The following SLC6A2 variants were observed in gnomAD, a reference collection of about 807,000 sequenced individuals.
SLC6A2 encodes the protein solute carrier family 6 member 2.
Under a neutral mutation model 71.7 loss-of-function variants are expected in SLC6A2, and 26 were observed. The observed-to-expected ratio is 0.36, with a 90% confidence interval of 0.27 to 0.50. The LOEUF is 0.50. SLC6A2 is among the 20% of genes least tolerant of loss of function. The probability of loss-of-function intolerance (pLI) is 0.96; values close to 1 mark genes in which losing one functional copy is unlikely to be tolerated. For missense variants in SLC6A2, 581 were observed against 803.9 expected, an observed-to-expected ratio of 0.72 and a Z score of 3.35; for synonymous variants, 363 against 337.9, an observed-to-expected ratio of 1.07 and a Z score of -0.82.
chr16:55,691,170 G>T (rs1220461731), intron 5 of SLC6A2, among the ~76,000 whole-genome samples: 1 of 145,818 alleles, frequency 6.9e-6, no homozygotes, highest in African/African-American at 2.6e-5. Flanking sequence ...AGGGAGGGGA[G>T]AGCAAGAAGA....
intron 4 of SLC6A2, 39 bp from the exon 5 acceptor site, chr16:55,685,104 C>T (rs201969585): frequency 1.9e-5 from 30 of 1,611,600 alleles, no homozygotes; most frequent in East Asian, 6.7e-5. Flanking sequence ...TCCTCCCTGA[C>T]GACATTTACC....
Position 55,703,276 on chromosome 16 carries a change from C to T in SLC6A2, c.*930C>T. 1 of 985,438 alleles carries T rather than the reference C, an allele frequency of 1.0e-6. No homozygotes were observed. The allele number at this position is 985,438 out of a possible 1,614,324, so 61.0% of individuals were successfully genotyped here. Reference sequence around the variant, plus strand: ...TCATGTGTGTCTTCACCGTGCTGTCCTCACAAGGCCAGGTGGGTGCCCAAA... The same window carrying T: ...TCATGTGTGTCTTCACCGTGCTGTCTTCACAAGGCCAGGTGGGTGCCCAAA... On this transcript the variant is annotated 3_prime_UTR_variant, in exon 15 of 15. Transcript: ENST00000568943.
Position 55,698,514 on chromosome 16 carries a change from A to G in SLC6A2, c.1435A>G (p.Thr479Ala). The change falls in exon 11 of 15, where the codon ACC becomes GCC. Residue 479 changes from threonine to alanine, a missense_variant. Physicochemically the swap from Thr to Ala is moderately conservative, Grantham distance 58 (BLOSUM62 0). Coordinates refer to ENST00000568943, the MANE Select transcript of SLC6A2 (RefSeq NM_001172501.3). ...LTLLDTFAAG[T>A]SILFAVLMEA... is the part of the protein sequence containing the mutation. ...CCTCCTGGACACCTTTGCTGCGGGC[A>G]CCTCCATCCTTTTTGCTGTCCTCAT... The G allele has an allele frequency of 1.2e-6, 2 of 1,613,954 alleles. No homozygotes were observed. The highest frequency in any genetic ancestry group is 1.7e-6 in the Non-Finnish European group (2 of 1,179,976).
rs1315485819 is a variant in SLC6A2 at position 55,672,074 on chromosome 16, C to T, written c.543C>T (p.Asn181=). 2 of 1,614,184 alleles carry T rather than the reference C, an allele frequency of 1.2e-6. No individual in the cohort carries two copies. The highest frequency in any genetic ancestry group is 4.5e-5 in the East Asian group (2 of 44,876). The stretch of plus-strand genomic sequence containing the variant: ...GGACCGACTGTGGCCACACCTGGAA[C>T]AGCCCCAACTGTACCGACCCCAAGC... The part of the protein sequence containing the change: ...LPWTDCGHTW[N]SPNCTDPKLL... Residue 181 remains asparagine (N), a synonymous_variant, in exon 4 of 15, where the codon AAC becomes AAT. Transcript: ENST00000568943.
intron 8 of SLC6A2, 39 bp downstream of exon 8, chr16:55,695,441 C>T (rs11568338): frequency 8.3e-5 from 134 of 1,611,896 alleles, no homozygotes; most frequent in African/African-American, 1.1e-4. Flanking sequence ...CCCACTGAGG[C>T]GGGAGCTGAG....
chr16:55,657,089 G>A (rs1596936424), intron 2 of SLC6A2, 121 bp downstream of exon 2: 5 of 1,127,174 alleles, frequency 4.4e-6, no homozygotes, highest in South Asian at 1.4e-5. Flanking sequence ...AATCTGGGGC[G>A]CAGAAAGAAC....
chr16:55,694,664 GAC>G (rs1480420778), intron 7 of SLC6A2, among the ~76,000 whole-genome samples: 1 of 152,204 alleles, frequency 6.6e-6, no homozygotes, highest in East Asian at 1.9e-4. Context: ...TTTGGTACAT[GAC>G]AGAGTCCAGT....
At chr16:55,672,982 C>T (rs1351104099) in intron 4 of SLC6A2, among the ~76,000 whole-genome samples, 5 of 152,132 alleles carry the variant, frequency 3.3e-5, no homozygotes, top group South Asian at 2.1e-4. Flanking sequence ...AGTTTGAAAC[C>T]GGAAAATTAA....
At chr16:55,678,328 G>T (rs1489205458) in intron 4 of SLC6A2, among the ~76,000 whole-genome samples, 1 of 151,722 alleles carries the variant, frequency 6.6e-6, no homozygotes, top group East Asian at 1.9e-4. Flanking sequence ...TTTTAATGGC[G>T]TGATGCCCTT....
intron 9 of SLC6A2, among the ~76,000 whole-genome samples, chr16:55,697,011 A>G (rs1411616386): frequency 6.6e-6 from 1 of 152,198 alleles, no homozygotes; most frequent in African/African-American, 2.4e-5. Context: ...AAACGAACAA[A>G]CAAAAACATT....
At chr16:55,682,563 G>A (rs1455083983) in intron 4 of SLC6A2, among the ~76,000 whole-genome samples, 1 of 152,160 alleles carries the variant, frequency 6.6e-6, no homozygotes. Context: ...GCCAGTTCTG[G>A]GCTTAGCACT....
chr16:55,669,669 G>C lies in SLC6A2; in HGVS notation c.379G>C (p.Val127Leu). The change falls in exon 3 of 15, where the codon GTT (valine) becomes CTT (leucine). Residue 127 changes from valine (V) to leucine (L), a missense_variant. Physicochemically the swap from Val to Leu is conservative, Grantham distance 32. Coordinates refer to ENST00000568943, the MANE Select transcript of SLC6A2 (RefSeq NM_001172501.3). The part of the protein sequence containing the change: ...GQYNREGAAT[V>L]WKICPFFKGV... ...GTACAACCGGGAGGGGGCTGCCACCGTTTGGAAAATCTGCCCATTCTTCAA... is the reference window on the plus strand; with the variant it reads ...GTACAACCGGGAGGGGGCTGCCACCCTTTGGAAAATCTGCCCATTCTTCAA... 1 of 1,614,118 alleles carries C rather than the reference G, an allele frequency of 6.2e-7. No individual in the cohort carries two copies. Among genetic ancestry groups the C allele is most frequent in the African/African-American group, 1.3e-5 (1 of 75,040 alleles).
rs1266112937 is a variant in SLC6A2, at chr16:55,703,556, T to C, written c.*1210T>C. The C allele has an allele frequency of 3.0e-6, 3 of 985,350 alleles. No homozygotes were observed. The highest frequency in any genetic ancestry group is 3.5e-5 in the African/African-American group (2 of 57,256). 61.0% of individuals were successfully genotyped at this position (985,350 alleles called of 1,614,324 possible). A position where few individuals can be genotyped will look rare whatever the true frequency, so the allele number is the denominator to read the frequency against. ...TTTCAGAGAATTTCTAGGTTTCTAC[T>C]TGGATCTACTTCTGATACAAACTTG... On this transcript the variant is annotated 3_prime_UTR_variant, in exon 15 of 15. Transcript: ENST00000568943.
rs1266652197 is a variant in SLC6A2, at chr16:55,656,794, C to T, written c.100C>T (p.Leu34=). 6.2e-7 allele frequency: 1 copy of T among 1,613,424 alleles called. No individual in the cohort carries two copies. The highest frequency in any genetic ancestry group is 1.1e-5 in the South Asian group (1 of 91,060). The stretch of plus-strand genomic sequence containing the variant: ...TCGGGCGCGCAAAACTGCGGAGCTG[C>T]TGGTGGTGAAGGAGCGCAACGGCGT... ...PLRARKTAEL[L]VVKERNGVQC... Residue 34 remains leucine (L), a synonymous_variant, in exon 2 of 15, where the codon CTG becomes TTG. Transcript: ENST00000568943. This position sits in a 1 kb window ranked among gnomAD's most constrained non-coding sequence, Gnocchi z 4.5.
chr16:55,677,817 G>A (rs575133695), intron 4 of SLC6A2, among the ~76,000 whole-genome samples: 15 of 152,032 alleles, frequency 9.9e-5, no homozygotes, highest in African/African-American at 2.9e-4. Context: ...GTACCACCAC[G>A]CCTGGCTAGC....
At position 55,685,185 on chromosome 16, in the gene SLC6A2, C is replaced by T; in HGVS notation, c.687C>T (p.Asp229=). ...LHLHESSGIH[D]IGLPQWQLLL... ...TTCACGAGAGCAGCGGGATTCATGA[C>T]ATCGGCCTGCCCCAGTGGCAGCTCT... The change falls in exon 5 of 15, where the codon GAC becomes GAT. Residue 229 remains aspartate, a synonymous_variant. Coordinates refer to ENST00000568943, the MANE Select transcript of SLC6A2 (RefSeq NM_001172501.3). 2 of 1,614,138 alleles carry T rather than the reference C, an allele frequency of 1.2e-6. No individual in the cohort carries two copies. Among genetic ancestry groups the T allele is most frequent in the Non-Finnish European group, 1.7e-6 (2 of 1,179,958 alleles).
chr16:55,665,054 A>T (rs1964712142), intron 2 of SLC6A2, among the ~76,000 whole-genome samples: 2 of 152,126 alleles, frequency 1.3e-5, no homozygotes, highest in Non-Finnish European at 1.5e-5. Context: ...GGGTGGACAT[A>T]GCTTGGACAC....
Position 55,693,896 on chromosome 16 carries a change from C to T in SLC6A2, c.919-114C>T, listed in dbSNP as rs147927506. On this transcript the variant is annotated intron_variant, in intron 6 of 14. Transcript: ENST00000568943. ...CAGGGCTGCCCATCTCTGGTTCAGA[C>T]CATGTTTCCTCTGGTCTCAGAGCAT... 31 of 800,596 alleles carry T rather than the reference C, an allele frequency of 3.9e-5. No homozygotes were observed. The Admixed American group carries it at 4.1e-4, about 11-fold the overall frequency. The allele number at this position is 800,596 out of a possible 1,614,324, so 49.6% of individuals were successfully genotyped here.
chr16:55,666,529 G>A (rs1019075278), intron 2 of SLC6A2, among the ~76,000 whole-genome samples: 2 of 152,132 alleles, frequency 1.3e-5, no homozygotes, highest in African/African-American at 4.8e-5. Context: ...GTAGCTGGCT[G>A]TTTTTTCATT....
Sources: allele counts gnomAD v4.1 joint callset (sites outside exome capture counted in the v4.1 genomes callset), GRCh38; gene constraint gnomAD v4.1.1; non-coding constraint Gnocchi (gnomAD v3.1); transcripts MANE v1.5; gene names NCBI Gene and HGNC (gene_info 2026-07-23, HGNC 2026-07-21).